FGF14: variants seen among roughly 807,000 people sequenced by gnomAD.
FGF14 encodes the protein fibroblast growth factor 14, also known as fibroblast growth factor homologous factor 4.
Under a neutral mutation model 25.5 loss-of-function variants are expected in FGF14, and 5 were observed. The observed-to-expected ratio is 0.20, with a 90% confidence interval of 0.10 to 0.41. The LOEUF is 0.41. Ranked by LOEUF, FGF14 falls within the 10% of genes least tolerant of loss-of-function variation. The pLI, the probability that FGF14 is intolerant of heterozygous loss-of-function variation, is 1.00. For synonymous variants in FGF14, 138 were observed against 118.3 expected (o/e 1.17, Z -1.08); for missense variants, 222 against 320.1 (o/e 0.69, Z 2.34).
chr13:102,375,013 T>C (rs536159891), intron 1 of FGF14, among the ~76,000 whole-genome samples: 7 of 152,078 alleles, frequency 4.6e-5, no homozygotes, highest in South Asian at 2.1e-4. Context: ...CTAAACTTTT[T>C]GTTTGTTTGA....
chr13:101,972,213 C>T (rs898607005), intron 1 of FGF14, among the ~76,000 whole-genome samples: 23 of 152,306 alleles, frequency 1.5e-4, no homozygotes, highest in African/African-American at 5.3e-4. Context: ...GTGAGGACAG[C>T]ACGTAGCTCA....
intron 1 of FGF14, among the ~76,000 whole-genome samples, chr13:101,944,980 A>C (rs9585816): frequency 0.11 from 17,414 of 152,138 alleles, 3,326 homozygotes; most frequent in African/African-American, 0.4. Flanking sequence ...GATGGTTGCA[A>C]GACAATGTGA....
chr13:102,154,855 T>C (rs1308703256), intron 1 of FGF14, among the ~76,000 whole-genome samples: 1 of 147,940 alleles, frequency 6.8e-6, no homozygotes, highest in East Asian at 2.0e-4. Context: ...AAGGCAGGGG[T>C]TGCAATCCTA....
Position 101,976,539 on chromosome 13 carries a change from C to T in FGF14, c.209-101243G>A, listed in dbSNP as rs75099826. On this transcript the variant is annotated intron_variant, in intron 1 of 4. Coordinates refer to the FGF14 transcript ENST00000376131. ...GGTTTGTTACATGGGTGTATTGTACCCAAGTAGTGAGCTAGCCCCCAATAG... is the reference window on the plus strand; with the variant it reads ...GGTTTGTTACATGGGTGTATTGTACTCAAGTAGTGAGCTAGCCCCCAATAG... 9.4e-4 allele frequency among the ~76,000 whole-genome samples: 143 copies of T among 152,022 alleles called. 1 individual carries two copies. In the East Asian group the frequency reaches 0.013, roughly 13 times the overall value.
intron 1 of FGF14, among the ~76,000 whole-genome samples, chr13:101,902,381 C>T (rs1274586086): frequency 6.6e-6 from 1 of 151,990 alleles, no homozygotes; most frequent in Non-Finnish European, 1.5e-5. Context: ...GAGGCTCATA[C>T]GTTTCTTAAC....
At chr13:102,340,300 G>A (rs746891828) in intron 1 of FGF14, among the ~76,000 whole-genome samples, 4 of 152,100 alleles carry the variant, frequency 2.6e-5, no homozygotes, top group Admixed American at 6.6e-5. Flanking sequence ...AAGCAATTGC[G>A]TTTCACATCA....
chr13:102,357,027 A>G (rs1216411052), intron 1 of FGF14, among the ~76,000 whole-genome samples: 1 of 151,472 alleles, frequency 6.6e-6, no homozygotes, highest in Non-Finnish European at 1.5e-5. Context: ...AAAAGAGACT[A>G]TTGCTAGGAA....
intron 1 of FGF14, among the ~76,000 whole-genome samples, chr13:102,314,631 A>G (rs756567934): frequency 1.3e-5 from 2 of 152,222 alleles, no homozygotes; most frequent in Non-Finnish European, 2.9e-5. Context: ...CTCAGAAAAT[A>G]TTTGGTGAAT....
At chr13:102,104,345 T>C (rs2044803026) in intron 1 of FGF14, among the ~76,000 whole-genome samples, 1 of 152,236 alleles carries the variant, frequency 6.6e-6, no homozygotes, top group African/African-American at 2.4e-5. Context: ...AATTCTATCA[T>C]TAATTCATTT....
At chr13:102,361,446 G>C (rs752953166) in intron 1 of FGF14, among the ~76,000 whole-genome samples, 10 of 152,190 alleles carry the variant, frequency 6.6e-5, no homozygotes, top group Non-Finnish European at 1.2e-4. Context: ...ATGTAGACTG[G>C]CCATGGGGAT....
rs536555386 is a variant in FGF14 at position 102,023,745 on chromosome 13, C to T, written c.209-148449G>A. On this transcript the variant is annotated intron_variant, in intron 1 of 4. Transcript: ENST00000376131. ...TCACTTAGAAAAAATTTTTAAGGTT[C>T]GTTTATGTCATAACAGGGTGCACTG... Among the ~76,000 whole-genome samples the T allele has an allele frequency of 3.9e-5, 6 of 152,020 alleles. No individual in the cohort carries two copies. In the South Asian group the frequency reaches 8.3e-4, roughly 21 times the overall value.
intron 3 of FGF14, among the ~76,000 whole-genome samples, chr13:101,810,113 G>A (rs1784768547): frequency 6.6e-6 from 1 of 152,148 alleles, no homozygotes. Context: ...CTACCCAAAT[G>A]TACATATTAG....
intron 1 of FGF14, among the ~76,000 whole-genome samples, chr13:102,136,385 C>T (rs544569494): frequency 1.4e-4 from 22 of 152,190 alleles, no homozygotes; most frequent in Non-Finnish European, 2.5e-4. Context: ...CAAGATCACA[C>T]GTTAAGTGGC....
intron 1 of FGF14, among the ~76,000 whole-genome samples, chr13:102,249,690 G>A (rs188118422): frequency 4.7e-4 from 72 of 152,158 alleles, no homozygotes; most frequent in African/African-American, 1.6e-3. Flanking sequence ...TTTCAACCGA[G>A]TCACCAATCT....
intron 1 of FGF14, among the ~76,000 whole-genome samples, chr13:101,904,976 CT>C (rs1357348426): frequency 1.3e-5 from 2 of 152,172 alleles, no homozygotes; most frequent in Non-Finnish European, 2.9e-5. Flanking sequence ...TACTTGAAAT[CT>C]TGTAGGAAAA....
At chr13:101,937,799 C>T (rs1437333990) in intron 1 of FGF14, among the ~76,000 whole-genome samples, 2 of 152,052 alleles carry the variant, frequency 1.3e-5, no homozygotes, top group East Asian at 3.9e-4. Context: ...AGGGTTTCAC[C>T]ATGTTGGCCA....
chr13:101,753,394 T>C (rs1422692246), intron 3 of FGF14, among the ~76,000 whole-genome samples: 1 of 152,108 alleles, frequency 6.6e-6, no homozygotes, highest in Non-Finnish European at 1.5e-5. Flanking sequence ...CCTTCTCAAC[T>C]TAAAGTCTTA....
chr13:102,095,273 A>G (rs908785522), intron 1 of FGF14, among the ~76,000 whole-genome samples: 3 of 152,144 alleles, frequency 2.0e-5, no homozygotes, highest in African/African-American at 7.2e-5. Flanking sequence ...GAGCTAATGG[A>G]CCGCCAGAGT....
At chr13:101,890,158 T>C (rs2046196531) in intron 1 of FGF14, among the ~76,000 whole-genome samples, 1 of 152,174 alleles carries the variant, frequency 6.6e-6, no homozygotes, top group African/African-American at 2.4e-5. Context: ...TCAGTTCTGA[T>C]ATAATTTTTA....
Sources: allele counts gnomAD v4.1 joint callset (sites outside exome capture counted in the v4.1 genomes callset), GRCh38; gene constraint gnomAD v4.1.1; transcripts MANE v1.5; gene names NCBI Gene and HGNC (gene_info 2026-07-23, HGNC 2026-07-21).